Variants in TNFRSF10C observed in about 807,000 individuals in gnomAD.
TNFRSF10C encodes tumor necrosis factor receptor superfamily member 10C.
A neutral mutation model predicts 16.7 loss-of-function variants in TNFRSF10C; 17 were observed. That is an observed-to-expected ratio of 1.02 (90% confidence interval 0.70 to 1.53). TNFRSF10C has a LOEUF of 1.53. Ranked by LOEUF, TNFRSF10C falls within the 40% of genes most tolerant of loss-of-function variation. The probability of loss-of-function intolerance (pLI) is 0.00; values close to 1 mark genes in which losing one functional copy is unlikely to be tolerated. For synonymous variants in TNFRSF10C, 73 were observed against 119.7 expected, an observed-to-expected ratio of 0.61 and a Z score of 2.55; for missense variants, 237 against 329.7, an observed-to-expected ratio of 0.72 and a Z score of 2.18.
chr8:23,116,559 G>C, intron 4 of TNFRSF10C, 82 bp from the exon 5 acceptor site: 1 of 1,532,612 alleles, frequency 6.5e-7, no homozygotes. Flanking sequence ...AGGGACATTG[G>C]AGAGGGAGGG....
Position 23,111,816 on chromosome 8 carries a change from T to A in TNFRSF10C, c.157T>A (p.Cys53Ser). ...GAGGCACAGCTTCAAGGGGGAGGAG[T>A]GTCCAGCAGGTGCACTCTTATTTTT... ...QQRHSFKGEE[C>S]PAGSHRSEHT... is the part of the protein sequence containing the mutation. Residue 53 changes from cysteine (C) to serine (S), a missense_variant, in exon 2 of 5, where the codon TGT becomes AGT. Cys to Ser is a moderately radical substitution (Grantham distance 112). This residue lies in a region of TNFRSF10C where 212 missense variants were observed against 196.8 expected (regional missense o/e 1.08). Coordinates refer to ENST00000356864, the MANE Select transcript of TNFRSF10C (RefSeq NM_003841.5). The A allele has an allele frequency of 1.2e-6, 2 of 1,613,644 alleles. No homozygotes were observed. The highest frequency in any genetic ancestry group is 1.3e-5 in the African/African-American group (1 of 74,914).
intron 1 of TNFRSF10C, among the ~76,000 whole-genome samples, chr8:23,109,243 A>G (rs760196663): frequency 4.6e-5 from 7 of 152,150 alleles, no homozygotes; most frequent in Admixed American, 6.6e-5. Flanking sequence ...TATATTAAAA[A>G]CTGCTGAAGT....
At chr8:23,111,517 ATTT>A (rs5890089) in intron 1 of TNFRSF10C, among the ~76,000 whole-genome samples, 200 bp from the exon 2 acceptor site, 56 of 147,968 alleles carry the variant, frequency 3.8e-4, no homozygotes, top group African/African-American at 1.1e-3. Flanking sequence ...GCTTGCCTGT[ATTT>A]TTTTTTTTTT....
chr8:23,103,457 G>A, intron 1 of TNFRSF10C: 1 of 596,896 alleles, frequency 1.7e-6, no homozygotes, highest in Non-Finnish European at 3.0e-6. Context: ...GGGAGTCAAG[G>A]TGGAACCCAT....
At chr8:23,106,524 T>C (rs78875129) in intron 1 of TNFRSF10C, among the ~76,000 whole-genome samples, 8,326 of 152,018 alleles carry the variant, frequency 0.055, 250 homozygotes, top group South Asian at 0.085. Context: ...ATTCAAGTTT[T>C]ACCTGGCATG....
chr8:23,109,934 C>T (rs980232005), intron 1 of TNFRSF10C, among the ~76,000 whole-genome samples: 2 of 151,750 alleles, frequency 1.3e-5, no homozygotes, highest in African/African-American at 4.8e-5. Context: ...CGTTGTGGCA[C>T]ACACCTGTCT....
At chr8:23,103,394 C>G (rs1813707749) in intron 1 of TNFRSF10C, 2 of 808,818 alleles carry the variant, frequency 2.5e-6, no homozygotes, top group African/African-American at 1.7e-5. Context: ...AGGCGGTCCC[C>G]CTGGCTGCCC....
chr8:23,103,037 G>A lies in TNFRSF10C; in HGVS notation c.-85G>A. On this transcript the variant is annotated 5_prime_UTR_variant, in exon 1 of 5. Coordinates refer to ENST00000356864, the MANE Select transcript of TNFRSF10C (RefSeq NM_003841.5). ...TGAAGGAGCGCTTCCTACCGTTAGG[G>A]AACTCTGGGGACAGAGCGCCCCGGC... The A allele has an allele frequency of 6.4e-7, 1 of 1,566,020 alleles. No homozygotes were observed. Among genetic ancestry groups the A allele is most frequent in the Non-Finnish European group, 8.7e-7 (1 of 1,155,388 alleles).
Position 23,114,736 on chromosome 8 carries a change from A to T in TNFRSF10C, c.246A>T (p.Glu82Asp). 1 of 1,613,988 alleles carries T rather than the reference A, an allele frequency of 6.2e-7. No individual in the cohort carries two copies. The highest frequency in any genetic ancestry group is 8.5e-7 in the Non-Finnish European group (1 of 1,179,912). Reference sequence around the variant, plus strand: ...ATTACACCAACGCTTCCAACAATGAACCTTCTTGCTTCCCATGTACAGTTT... The same window carrying T: ...ATTACACCAACGCTTCCAACAATGATCCTTCTTGCTTCCCATGTACAGTTT... The part of the protein sequence containing the change: ...GVDYTNASNN[E>D]PSCFPCTVCK... The change falls in exon 3 of 5, where the codon GAA (glutamate) becomes GAT (aspartate). Residue 82 changes from glutamate (E) to aspartate (D), a missense_variant. By Grantham distance (45) the Glu-to-Asp change is conservative. Transcript: ENST00000356864.
intron 1 of TNFRSF10C, among the ~76,000 whole-genome samples, chr8:23,111,218 TC>T (rs1389970980): frequency 6.2e-5 from 9 of 146,138 alleles, no homozygotes; most frequent in Middle Eastern, 3.4e-3. Context: ...TTTCATTTTT[TC>T]TTTTTTTTTT....
At chr8:23,114,581 A>T (rs1461676492) in intron 2 of TNFRSF10C, 76 bp from the exon 3 acceptor site, 1 of 1,238,722 alleles carries the variant, frequency 8.1e-7, no homozygotes. Flanking sequence ...AGGGCCAAAA[A>T]AGAAGTTTCC....
intron 2 of TNFRSF10C, among the ~76,000 whole-genome samples, chr8:23,112,953 T>C (rs1345944932): frequency 3.6e-5 from 1 of 27,652 alleles, no homozygotes; most frequent in African/African-American, 2.6e-4. Context: ...CCAGCATTCC[T>C]TTTTCTCCCC....
chr8:23,104,579 T>G (rs1441406835), intron 1 of TNFRSF10C, among the ~76,000 whole-genome samples: 905 of 152,214 alleles, frequency 5.9e-3, no homozygotes, highest in African/African-American at 0.019. Context: ...CTTCTCCTTC[T>G]GTGGGATAAA....
chr8:23,103,961 A>G (rs1813720095), intron 1 of TNFRSF10C, among the ~76,000 whole-genome samples: 1 of 152,238 alleles, frequency 6.6e-6, no homozygotes, highest in Admixed American at 6.5e-5. Flanking sequence ...AAGAAAAAGA[A>G]AAGGCCAAAG....
chr8:23,105,944 C>A (rs144414753), intron 1 of TNFRSF10C, among the ~76,000 whole-genome samples: 343 of 152,334 alleles, frequency 2.3e-3, no homozygotes, highest in African/African-American at 7.8e-3. Flanking sequence ...CTTCTCTGAT[C>A]TCTGTCCTGC....
At chr8:23,113,639 T>C (rs1813922505) in intron 2 of TNFRSF10C, among the ~76,000 whole-genome samples, 1 of 152,230 alleles carries the variant, frequency 6.6e-6, no homozygotes, top group Admixed American at 6.5e-5. Flanking sequence ...TTCACTATTT[T>C]GTTCCATCAG....
At chr8:23,103,432 G>C in intron 1 of TNFRSF10C, 1 of 643,154 alleles carries the variant, frequency 1.6e-6, no homozygotes, top group South Asian at 1.9e-5. Flanking sequence ...GGAAGTTCCA[G>C]AATCGAGAGA....
At chr8:23,104,811 T>C (rs1813745975) in intron 1 of TNFRSF10C, among the ~76,000 whole-genome samples, 1 of 152,204 alleles carries the variant, frequency 6.6e-6, no homozygotes, top group African/African-American at 2.4e-5. Context: ...ATAGGAGTTT[T>C]TTGGTACTGG....
intron 1 of TNFRSF10C, among the ~76,000 whole-genome samples, chr8:23,107,819 G>A (rs1451430983): frequency 3.3e-5 from 5 of 152,184 alleles, no homozygotes; most frequent in African/African-American, 4.8e-5. Flanking sequence ...GGCTGAGAAA[G>A]CAAGACTCAA....
Sources: allele counts gnomAD v4.1 joint callset (sites outside exome capture counted in the v4.1 genomes callset), GRCh38; gene constraint gnomAD v4.1.1; regional missense constraint gnomAD v4.1.1; transcripts MANE v1.5; gene names NCBI Gene and HGNC (gene_info 2026-07-23, HGNC 2026-07-21).